The following KDM1B variants were observed in gnomAD, a reference collection of about 807,000 sequenced individuals.
KDM1B encodes the protein lysine demethylase 1B.
KDM1B carries 63 observed loss-of-function variants against 107.4 expected under a neutral mutation model. The observed-to-expected ratio is 0.59, with a 90% CI of 0.48 to 0.72. KDM1B has a LOEUF of 0.72. KDM1B is among the 30% of genes least tolerant of loss of function. The pLI is 0.00. For missense variants in KDM1B, 749 were observed against 1,020.8 expected (o/e 0.73, Z 3.63); for synonymous variants, 363 against 363.9 (o/e 1.00, Z 0.03).
At chr6:18,163,427 G>A (rs1345681689) in intron 5 of KDM1B, among the ~76,000 whole-genome samples, 6 of 151,988 alleles carry the variant, frequency 3.9e-5, no homozygotes, top group Non-Finnish European at 1.5e-5. Flanking sequence ...TATTGTTTTC[G>A]ATTTCATTTG....
In KDM1B at chr6:18,204,148, AT is replaced by A. The variant is rs1345616498; in HGVS notation, c.1532-1388del. Reference sequence around the variant, plus strand: ...GCCTTGAGCTGTTCTAAAAAAAAAAATATTTGAAGTAACTGATACTCAGTTC... The same window carrying A: ...GCCTTGAGCTGTTCTAAAAAAAAAAAATTTGAAGTAACTGATACTCAGTTC... On this transcript the variant is annotated intron_variant, in intron 14 of 21. Coordinates refer to ENST00000650836, the MANE Select transcript of KDM1B (RefSeq NM_001364614.2). The surrounding 1 kb of genome is among the most constrained non-coding windows in gnomAD (Gnocchi z 4.9). 6.6e-6 allele frequency among the ~76,000 whole-genome samples: 1 copy of A among 152,038 alleles called. No homozygotes were observed. The highest frequency in any genetic ancestry group is 6.6e-5 in the Admixed American group (1 of 15,256).
intron 15 of KDM1B, among the ~76,000 whole-genome samples, chr6:18,206,059 C>T (rs1277054026): frequency 6.6e-6 from 1 of 151,562 alleles, no homozygotes; most frequent in Admixed American, 6.6e-5. Context: ...GAGCTGGTTT[C>T]GATAAACAGG....
rs1396107336 is a variant in KDM1B at position 18,203,053 on chromosome 6, T to G, written c.1531+1396T>G. Among the ~76,000 whole-genome samples the G allele has an allele frequency of 6.6e-6, 1 of 152,188 alleles. No homozygotes were observed. The highest frequency in any genetic ancestry group is 2.4e-5 in the African/African-American group (1 of 41,456). On this transcript the variant is annotated intron_variant, in intron 14 of 21. Transcript: ENST00000650836. The surrounding 1 kb of genome is among the most constrained non-coding windows in gnomAD (Gnocchi z 5.5). Reference sequence around the variant, plus strand: ...CTGTGTTGCAGTCACTGGCTGGAGTTTTCATTACATGTCTTTCAGAGTCAC... The same window carrying G: ...CTGTGTTGCAGTCACTGGCTGGAGTGTTCATTACATGTCTTTCAGAGTCAC...
Position 18,205,673 on chromosome 6 carries a change from G to C in KDM1B, c.1659+9G>C. On this transcript the variant is annotated intron_variant, in intron 15 of 21. Coordinates refer to ENST00000650836, the MANE Select transcript of KDM1B (RefSeq NM_001364614.2). The surrounding 1 kb of genome is among the most constrained non-coding windows in gnomAD (Gnocchi z 5.7). ...GCAGCAACCTTCACCAGGTGCGCTT[G>C]GGTTTTGTGAAAGGTGTGCTTTGAA... 6.7e-7 allele frequency: 1 copy of C among 1,494,306 alleles called. No homozygotes were observed. The highest frequency in any genetic ancestry group is 2.6e-5 in the East Asian group (1 of 38,244). 92.6% of individuals were successfully genotyped at this position (1,494,306 alleles called of 1,614,324 possible).
chr6:18,206,151 C>CT (rs70974712), intron 15 of KDM1B, among the ~76,000 whole-genome samples: 12,359 of 143,798 alleles, frequency 0.086, 588 homozygotes, highest in South Asian at 0.23. Context: ...GTTTTTTAAA[C>CT]TTTTTTTTTT....
chr6:18,158,747 T>A (rs1177214653), intron 2 of KDM1B, among the ~76,000 whole-genome samples: 1 of 152,210 alleles, frequency 6.6e-6, no homozygotes, highest in East Asian at 1.9e-4. Context: ...TGAAAAAAAT[T>A]CTGTTAGCTC....
Position 18,186,970 on chromosome 6 carries a change from G to A in KDM1B, c.574-822G>A, listed in dbSNP as rs529698174. On this transcript the variant is annotated intron_variant, in intron 8 of 21. Coordinates refer to ENST00000650836, the MANE Select transcript of KDM1B (RefSeq NM_001364614.2). This position sits in a 1 kb window ranked among gnomAD's most constrained non-coding sequence, Gnocchi z 5.6. Reference sequence around the variant, plus strand: ...TATCAGTATGTATATATGTGTGTGTGTGTACACACACACACACACACACAC... The same window carrying A: ...TATCAGTATGTATATATGTGTGTGTATGTACACACACACACACACACACAC... Among the ~76,000 whole-genome samples, 1 of 71,186 alleles carries A rather than the reference G, an allele frequency of 1.4e-5. No individual in the cohort carries two copies. The highest frequency in any genetic ancestry group is 2.9e-4 in the East Asian group (1 of 3,446). The allele number at this position is 71,186 out of a possible 152,430, so 46.7% of individuals were successfully genotyped here.
chr6:18,164,606 TTTC>T (rs1785173781), intron 5 of KDM1B, among the ~76,000 whole-genome samples: 1 of 152,130 alleles, frequency 6.6e-6, no homozygotes, highest in Admixed American at 6.6e-5. Flanking sequence ...ATGATACACC[TTTC>T]TTTGTTTCTT....
In KDM1B at chr6:18,172,158, T is replaced by C. The variant is rs868463610; in HGVS notation, c.534+679T>C. On this transcript the variant is annotated intron_variant, in intron 7 of 21. Transcript: ENST00000650836. The surrounding 1 kb of genome is among the most constrained non-coding windows in gnomAD (Gnocchi z 5.2). ...AGGAAGAAAAGATTAATTGATATGC[T>C]TGGCAATTAGGAATCGGCCATCGTT... 6.6e-6 allele frequency among the ~76,000 whole-genome samples: 1 copy of C among 152,230 alleles called. No homozygotes were observed. Among genetic ancestry groups the C allele is most frequent in the Middle Eastern group, 3.2e-3 (1 of 316 alleles).
Position 18,212,504 on chromosome 6 carries a change from C to T in KDM1B, c.1883C>T (p.Pro628Leu). 6.2e-7 allele frequency: 1 copy of T among 1,611,292 alleles called. No individual in the cohort carries two copies. Among genetic ancestry groups the T allele is most frequent in the Non-Finnish European group, 8.5e-7 (1 of 1,177,446 alleles). Residue 628 changes from proline (P) to leucine (L), a missense_variant, in exon 18 of 22, where the codon CCA (proline) becomes CTA (leucine). Physicochemically the swap from Pro to Leu is moderately conservative, Grantham distance 98. Transcript: ENST00000650836. This position sits in a 1 kb window ranked among gnomAD's most constrained non-coding sequence, Gnocchi z 5.2. The stretch of plus-strand genomic sequence containing the variant: ...TTTCCACAGGTATTAGTCACTGTAC[C>T]ACTGGCTTTACTACAGAAAGGTGCC... ...YSAQKVLVTV[P>L]LALLQKGAIQ...
chr6:18,173,304 G>A (rs1785783074), intron 7 of KDM1B, among the ~76,000 whole-genome samples: 1 of 152,020 alleles, frequency 6.6e-6, no homozygotes, highest in African/African-American at 2.4e-5. Flanking sequence ...GTGATCTTGA[G>A]TATATTTTCA....
At position 18,209,768 on chromosome 6, in the gene KDM1B, C is replaced by T. The variant is rs367603608; in HGVS notation, c.1866+1562C>T. 3.3e-5 allele frequency among the ~76,000 whole-genome samples: 5 copies of T among 152,270 alleles called. No individual in the cohort carries two copies. The highest frequency in any genetic ancestry group is 2.1e-4 in the South Asian group (1 of 4,830). On this transcript the variant is annotated intron_variant, in intron 17 of 21. Coordinates refer to ENST00000650836, the MANE Select transcript of KDM1B (RefSeq NM_001364614.2). This position sits in a 1 kb window ranked among gnomAD's most constrained non-coding sequence, Gnocchi z 4.3. ...GATTACAGGCATGCACCACCATGCC[C>T]GGCTAGTCATGTTTTTAAAGCTTCT...
intron 21 of KDM1B, 71 bp downstream of exon 21, chr6:18,217,956 C>G (rs1747145645): frequency 1.3e-6 from 2 of 1,516,336 alleles, no homozygotes; most frequent in Non-Finnish European, 1.8e-6. Flanking sequence ...TGATATCTGC[C>G]CAGAGTTTAA....
At position 18,222,370 on chromosome 6, in the gene KDM1B, G is replaced by A. The variant is rs1455180358; in HGVS notation, c.*378G>A. ...ATTGAGAAACCAAGTCAATCAAGCA[G>A]GAATCATTTAAAAACCAGATAAAGC... On this transcript the variant is annotated 3_prime_UTR_variant, in exon 22 of 22. Coordinates refer to ENST00000650836, the MANE Select transcript of KDM1B (RefSeq NM_001364614.2). The A allele has an allele frequency of 3.1e-6, 1 of 324,342 alleles. No homozygotes were observed. The highest frequency in any genetic ancestry group is 6.0e-6 in the Non-Finnish European group (1 of 166,994). The allele number at this position is 324,342 out of a possible 1,614,324, so 20.1% of individuals were successfully genotyped here. A position where few individuals can be genotyped will look rare whatever the true frequency, so the allele number is the denominator to read the frequency against.
intron 15 of KDM1B, among the ~76,000 whole-genome samples, chr6:18,207,153 T>C (rs1000860937): frequency 3.3e-5 from 5 of 152,214 alleles, no homozygotes; most frequent in African/African-American, 1.2e-4. Flanking sequence ...GAAAATCAGC[T>C]TCTATTTTTA....
chr6:18,195,579 C>G (rs1332008032), intron 10 of KDM1B, among the ~76,000 whole-genome samples: 1 of 151,438 alleles, frequency 6.6e-6, no homozygotes, highest in Non-Finnish European at 1.5e-5. Context: ...ACTAAAAATA[C>G]AAAAAATTAG....
At position 18,213,452 on chromosome 6, in the gene KDM1B, C is replaced by T. The variant is rs943281626; in HGVS notation, c.1984-204C>T. 3.3e-5 allele frequency among the ~76,000 whole-genome samples: 5 copies of T among 151,016 alleles called. No individual in the cohort carries two copies. The South Asian group carries it at 1.0e-3, about 32-fold the overall frequency. ...ACTCCGTCTCAAAAAAAAAAAAAAC[C>T]CAAAAAACAAAACAAAACAAAAAAC... On this transcript the variant is annotated intron_variant, in intron 18 of 21. Coordinates refer to ENST00000650836, the MANE Select transcript of KDM1B (RefSeq NM_001364614.2). This position sits in a 1 kb window ranked among gnomAD's most constrained non-coding sequence, Gnocchi z 5.9.
At chr6:18,176,078 G>A (rs1193543843) in intron 7 of KDM1B, among the ~76,000 whole-genome samples, 20 of 152,102 alleles carry the variant, frequency 1.3e-4, no homozygotes, top group Admixed American at 1.3e-3. Flanking sequence ...TCACAACATT[G>A]ATTCTACCCA....
At chr6:18,170,656 T>G (rs924748586) in intron 6 of KDM1B, among the ~76,000 whole-genome samples, 14 of 150,836 alleles carry the variant, frequency 9.3e-5, no homozygotes, top group South Asian at 4.2e-4. Context: ...GCTTTTGTAT[T>G]TTTTGTAGAG....
Sources: allele counts gnomAD v4.1 joint callset (sites outside exome capture counted in the v4.1 genomes callset), GRCh38; gene constraint gnomAD v4.1.1; non-coding constraint Gnocchi (gnomAD v3.1); transcripts MANE v1.5; gene names NCBI Gene and HGNC (gene_info 2026-07-23, HGNC 2026-07-21).